The following ATM variants were observed in gnomAD, a reference collection of about 807,000 sequenced individuals.
ATM encodes serine-protein kinase ATM.
ATM carries 308 observed loss-of-function variants against 387.0 expected under a neutral mutation model. The ratio of observed to expected loss-of-function variants is 0.80; its 90% CI spans 0.73 to 0.87. ATM has a LOEUF of 0.87. Ranked by LOEUF, ATM falls within the 40% of genes least tolerant of loss-of-function variation. ATM has a pLI of 0.00. For missense variants in ATM, 3,312 were observed against 3,560.9 expected (o/e 0.93, Z 1.78); for synonymous variants, 1,156 against 1,187.3 (o/e 0.97, Z 0.54).
rs370785959 is a variant in ATM at position 108,284,321 on chromosome 11, A to T, written c.3841A>T (p.Ser1281Cys). Residue 1281 changes from serine (S) to cysteine (C), a missense_variant, in exon 26 of 63, where the codon AGT becomes TGT. Ser to Cys is a moderately radical substitution (Grantham distance 112). Transcript: ENST00000675843. ...IANQIQEDWK[S>C]LLTDCFPKIL... The stretch of plus-strand genomic sequence containing the variant: ...TAATCAGATTCAAGAGGACTGGAAA[A>T]GTCTTCTAACAGACTGCTTTCCAAA... 30 of 1,613,898 alleles carry T rather than the reference A, an allele frequency of 1.9e-5. No individual in the cohort carries two copies. Among genetic ancestry groups the T allele is most frequent in the Non-Finnish European group, 2.5e-5 (30 of 1,179,952 alleles).
rs1555096903 is a variant in ATM, at chr11:108,289,029, G to C, written c.4162G>C (p.Ala1388Pro). Reference protein sequence around the residue: ...PPHFPSHVIKATFAYISNCHK... With the variant: ...PPHFPSHVIKPTFAYISNCHK... ...TCATTTTCCATCGCATGTGATTAAAGCAACATTTGCCTATATCAGCAATTG... is the reference window on the plus strand; with the variant it reads ...TCATTTTCCATCGCATGTGATTAAACCAACATTTGCCTATATCAGCAATTG... Residue 1388 changes from alanine (A) to proline (P), a missense_variant, in exon 28 of 63, where the codon GCA becomes CCA. Ala to Pro is a conservative substitution (Grantham distance 27). This residue lies in a region of ATM where 1,791 missense variants were observed against 1,804.5 expected (regional missense o/e 0.99). Transcript: ENST00000675843. 1 of 1,613,410 alleles carries C rather than the reference G, an allele frequency of 6.2e-7. No homozygotes were observed. Among genetic ancestry groups the C allele is most frequent in the Non-Finnish European group, 8.5e-7 (1 of 1,179,566 alleles).
chr11:108,244,786 A>C lies in ATM; in HGVS notation c.663-2A>C. 6.2e-7 allele frequency: 1 copy of C among 1,611,010 alleles called. No homozygotes were observed. On this transcript the variant is annotated splice_acceptor_variant, in intron 6 of 62. Coordinates refer to ENST00000675843, the MANE Select transcript of ATM (RefSeq NM_000051.4). LOFTEE classifies it high-confidence loss of function. ...CAGTTGAGCTTGTTTGTTTCTTCAC[A>C]GACAAGAAAAGAGCTCTTCAGGTCT...
intron 57 of ATM, among the ~76,000 whole-genome samples, chr11:108,344,970 TC>T: frequency 6.6e-6 from 1 of 151,676 alleles, no homozygotes; most frequent in African/African-American, 2.4e-5. Context: ...ACCCCTGCAC[TC>T]CAGTCCAGGT....
chr11:108,339,483 G>GTT (rs1300835794), intron 56 of ATM, among the ~76,000 whole-genome samples: 1 of 152,050 alleles, frequency 6.6e-6, no homozygotes, highest in Non-Finnish European at 1.5e-5. Context: ...GATATCAGCT[G>GTT]TGTACTTTCA....
intron 26 of ATM, 44 bp from the exon 27 acceptor site, chr11:108,287,556 C>T (rs2135734179): frequency 1.5e-6 from 2 of 1,296,362 alleles, no homozygotes; most frequent in East Asian, 5.0e-5. Flanking sequence ...TTGACGTTCA[C>T]AGATATAAAA....
chr11:108,293,217 G>T (rs1423112081), intron 30 of ATM, 96 bp from the exon 31 acceptor site: 5 of 807,354 alleles, frequency 6.2e-6, no homozygotes, highest in Non-Finnish European at 9.5e-6. Context: ...ATCTGATCTA[G>T]GTTAATAGAT....
At position 108,268,537 on chromosome 11, in the gene ATM, T is replaced by C. The variant is rs2135525790; in HGVS notation, c.2766T>C (p.Asp922=). Residue 922 remains aspartate (D), a synonymous_variant, in exon 18 of 63, where the codon GAT becomes GAC. Coordinates refer to ENST00000675843, the MANE Select transcript of ATM (RefSeq NM_000051.4). ...QTNTVSFRAA[D]IRRKLLMLID... Reference sequence around the variant, plus strand: ...ATACTGTGTCCTTTAGGGCAGCTGATATTCGGAGGAAATTGTTAATGTTAA... The same window carrying C: ...ATACTGTGTCCTTTAGGGCAGCTGACATTCGGAGGAAATTGTTAATGTTAA... 1 of 1,614,110 alleles carries C rather than the reference T, an allele frequency of 6.2e-7. No individual in the cohort carries two copies. Among genetic ancestry groups the C allele is most frequent in the East Asian group, 2.2e-5 (1 of 44,854 alleles).
At chr11:108,247,914 A>G in intron 8 of ATM, among the ~76,000 whole-genome samples, 1 of 151,856 alleles carries the variant, frequency 6.6e-6, no homozygotes, top group East Asian at 1.9e-4. Flanking sequence ...TTATCATCCC[A>G]AAAGAAACCT....
rs2135245119 is a variant in ATM at position 108,245,045 on chromosome 11, C to T, written c.901+19C>T. The T allele has an allele frequency of 6.3e-7, 1 of 1,576,182 alleles. No individual in the cohort carries two copies. Among genetic ancestry groups the T allele is most frequent in the South Asian group, 1.1e-5 (1 of 90,288 alleles). On this transcript the variant is annotated intron_variant, in intron 7 of 62. Transcript: ENST00000675843. ...GAAAAAGGTATAAAGGAAATGTTTA[C>T]TGTTTTGAATTTGCTTCTTCATTCA...
At chr11:108,329,648 C>T (rs375370301) in intron 49 of ATM, among the ~76,000 whole-genome samples, 1 of 152,092 alleles carries the variant, frequency 6.6e-6, no homozygotes, top group African/African-American at 2.4e-5. Context: ...TGGGCTCAAA[C>T]GATCTGCCCA....
rs898807608 is a variant in ATM at position 108,234,050 on chromosome 11, A to G, written c.332-1620A>G. Among the ~76,000 whole-genome samples the G allele has an allele frequency of 9.1e-4, 138 of 152,194 alleles. 1 individual carries two copies. The highest frequency in any genetic ancestry group is 6.5e-5 in the Admixed American group (1 of 15,274). On this transcript the variant is annotated intron_variant, in intron 4 of 62. Coordinates refer to ENST00000675843, the MANE Select transcript of ATM (RefSeq NM_000051.4). ...AGTCACTGGGCTTTTACGTCAGAAT[A>G]TAGAGATTAATTCCTTTCCTTAAGG...
chr11:108,348,883 CAT>C (rs1225470373), intron 59 of ATM, among the ~76,000 whole-genome samples: 2 of 152,108 alleles, frequency 1.3e-5, no homozygotes, highest in African/African-American at 4.8e-5. Context: ...GAATATGAAA[CAT>C]ATGATTTAAT....
chr11:108,324,562 T>G (rs1003751397), intron 45 of ATM, among the ~76,000 whole-genome samples: 41 of 152,156 alleles, frequency 2.7e-4, no homozygotes, highest in African/African-American at 9.9e-4. Context: ...GTAGGGTCAT[T>G]TAGAGAGGAA....
At chr11:108,344,321 T>A (rs931886032) in intron 57 of ATM, among the ~76,000 whole-genome samples, 5 of 152,024 alleles carry the variant, frequency 3.3e-5, no homozygotes, top group African/African-American at 4.8e-5. Flanking sequence ...GTTTTGTAAA[T>A]GAGTTGTTTT....
At chr11:108,343,798 AAACAAC>A (rs907536224) in intron 57 of ATM, among the ~76,000 whole-genome samples, 2 of 152,234 alleles carry the variant, frequency 1.3e-5, no homozygotes, top group South Asian at 2.1e-4. Flanking sequence ...CAAACACAGT[AAACAAC>A]AACAACAACA....
rs527533655 is a variant in ATM at position 108,282,316 on chromosome 11, C to T, written c.3577-394C>T. 5.9e-5 allele frequency among the ~76,000 whole-genome samples: 9 copies of T among 152,190 alleles called. No homozygotes were observed. The East Asian group carries it at 1.4e-3, about 23-fold the overall frequency. ...ACACCTGGCTAATTTATTATACAGA[C>T]GGGCTCTTGCTATGTTGCCCAAGCT... is the stretch of plus-strand genomic sequence containing the variant. On this transcript the variant is annotated intron_variant, in intron 24 of 62. Transcript: ENST00000675843.
At chr11:108,234,215 A>G (rs1463607982) in intron 4 of ATM, among the ~76,000 whole-genome samples, 1 of 152,220 alleles carries the variant, frequency 6.6e-6, no homozygotes, top group Non-Finnish European at 1.5e-5. Context: ...AGTGAGCCAT[A>G]AGTGAAGATG....
rs533852394 is a variant in ATM, at chr11:108,260,882, C to T, written c.2466+1807C>T. Reference sequence around the variant, plus strand: ...CTGAGTCAAAGAAAGGGGGGACGGACGGCACCTGGAAAATCGGGTCACTCC... The same window carrying T: ...CTGAGTCAAAGAAAGGGGGGACGGATGGCACCTGGAAAATCGGGTCACTCC... On this transcript the variant is annotated intron_variant, in intron 16 of 62. Coordinates refer to ENST00000675843, the MANE Select transcript of ATM (RefSeq NM_000051.4). Among the ~76,000 whole-genome samples the T allele has an allele frequency of 2.1e-3, 325 of 152,268 alleles. 1 individual carries two copies. Among genetic ancestry groups the T allele is most frequent in the African/African-American group, 7.2e-3 (298 of 41,558 alleles).
chr11:108,293,234 A>G, intron 30 of ATM, 79 bp from the exon 31 acceptor site: 1 of 914,198 alleles, frequency 1.1e-6, no homozygotes, highest in Non-Finnish European at 1.6e-6. Context: ...AGATTTTATC[A>G]TTTATTACAG....
Sources: gnomAD v4.1 joint callset for allele counts (sites outside exome capture counted in the v4.1 genomes callset) on GRCh38, gnomAD v4.1.1 for gene constraint, gnomAD v4.1.1 regional missense constraint, MANE v1.5 for transcripts, NCBI Gene and HGNC (gene_info 2026-07-23, HGNC 2026-07-21) for gene names.